Variants in RFC3 observed in about 807,000 individuals in gnomAD.
RFC3 encodes A1 38 kDa subunit.
Under a neutral mutation model 45.1 loss-of-function variants are expected in RFC3, and 41 were observed. The ratio of observed to expected loss-of-function variants is 0.91; its 90% CI spans 0.71 to 1.18. The LOEUF (loss-of-function observed/expected upper bound fraction) is 1.18. Ranked by LOEUF, RFC3 falls within the 50% of genes most tolerant of loss-of-function variation. The probability of loss-of-function intolerance (pLI) is 0.00; values close to 1 mark genes in which losing one functional copy is unlikely to be tolerated. For synonymous variants in RFC3, 149 were observed against 144.0 expected (o/e 1.03, Z -0.25); for missense variants, 423 against 428.1 (o/e 0.99, Z 0.10).
intron 8 of RFC3, among the ~76,000 whole-genome samples, chr13:33,955,839 C>T (rs1267254868): frequency 1.3e-5 from 2 of 152,120 alleles, no homozygotes; most frequent in South Asian, 2.1e-4. Flanking sequence ...CTTCAGGAGG[C>T]GCATGTGCAG....
chr13:33,908,476 C>G (rs1335447964), intron 8 of RFC3, among the ~76,000 whole-genome samples: 1 of 151,972 alleles, frequency 6.6e-6, no homozygotes, highest in African/African-American at 2.4e-5. Flanking sequence ...AGATCATCAG[C>G]TCCACAAAAT....
At chr13:33,977,256 A>G in the RFC3 span, among the ~76,000 whole-genome samples, 1 of 152,096 alleles carries the variant, frequency 6.6e-6, no homozygotes, top group Non-Finnish European at 1.5e-5. Flanking sequence ...ACTGCGGTCT[A>G]TCTATCATAG....
chr13:33,892,543 T>C (rs2082570262), intron 8 of RFC3, among the ~76,000 whole-genome samples: 1 of 152,208 alleles, frequency 6.6e-6, no homozygotes, highest in African/African-American at 2.4e-5. Context: ...GTCTTTCCAC[T>C]TAAGATTTGT....
chr13:33,853,319 C>T (rs1177860310), intron 8 of RFC3, among the ~76,000 whole-genome samples: 1 of 152,124 alleles, frequency 6.6e-6, no homozygotes, highest in East Asian at 1.9e-4. Context: ...CATAGATGTG[C>T]ATTAGACTTT....
At chr13:33,852,043 AAACT>A (rs1427966581) in intron 8 of RFC3, among the ~76,000 whole-genome samples, 9 of 152,208 alleles carry the variant, frequency 5.9e-5, no homozygotes, top group Admixed American at 1.3e-4. Flanking sequence ...ATGGTATTGA[AAACT>A]AACTATGAGA....
At chr13:33,886,172 G>A (rs1390957764) in intron 8 of RFC3, among the ~76,000 whole-genome samples, 1 of 152,178 alleles carries the variant, frequency 6.6e-6, no homozygotes, top group Non-Finnish European at 1.5e-5. Context: ...GTTGAGGACA[G>A]AAGTGAAATG....
Position 33,923,235 on chromosome 13 carries a change from G to A in RFC3, c.880-42852G>A, listed in dbSNP as rs534751543. ...TTTTAGCTATGAGGAGAGGAGATGA[G>A]AGAGACCAAAGAGACAGCCGATCTT... On this transcript the variant is annotated intron_variant, in intron 8 of 8. Coordinates refer to the RFC3 transcript ENST00000434425. Among the ~76,000 whole-genome samples the A allele has an allele frequency of 2.0e-5, 3 of 152,128 alleles. No homozygotes were observed. The South Asian group carries it at 6.2e-4, about 32-fold the overall frequency.
chr13:33,824,534 T>G (rs1218276545), intron 3 of RFC3, among the ~76,000 whole-genome samples: 2 of 152,126 alleles, frequency 1.3e-5, no homozygotes, highest in East Asian at 3.8e-4. Flanking sequence ...TAGAAATGAT[T>G]CTGGGAGCTA....
intron 8 of RFC3, among the ~76,000 whole-genome samples, chr13:33,943,660 C>A (rs1237390233): frequency 6.6e-6 from 1 of 152,098 alleles, no homozygotes; most frequent in Non-Finnish European, 1.5e-5. Flanking sequence ...GGCTGAAATT[C>A]CATCTTAGGC....
At chr13:33,955,157 G>A (rs9598380) in intron 8 of RFC3, among the ~76,000 whole-genome samples, 2,321 of 152,190 alleles carry the variant, frequency 0.015, 66 homozygotes, top group African/African-American at 0.054. Flanking sequence ...TACCAAGACG[G>A]AAAAATTATA....
At chr13:33,918,370 C>T (rs765429404) in intron 8 of RFC3, among the ~76,000 whole-genome samples, 5 of 152,156 alleles carry the variant, frequency 3.3e-5, no homozygotes, top group Non-Finnish European at 5.9e-5. Flanking sequence ...CAAACCCTTT[C>T]ATGGCCCCTG....
At chr13:33,965,041 A>G (rs1353540852) in intron 8 of RFC3, among the ~76,000 whole-genome samples, 5 of 152,278 alleles carry the variant, frequency 3.3e-5, no homozygotes, top group Admixed American at 2.6e-4. Context: ...TCTGGGGGAA[A>G]GTCTGGCCCT....
At chr13:33,959,458 G>T (rs2083042495) in intron 8 of RFC3, among the ~76,000 whole-genome samples, 1 of 152,068 alleles carries the variant, frequency 6.6e-6, no homozygotes, top group Non-Finnish European at 1.5e-5. Context: ...GCTTCCTCTT[G>T]ATTCCCTTGC....
chr13:33,962,408 C>G (rs1188967425), intron 8 of RFC3, among the ~76,000 whole-genome samples: 1 of 152,158 alleles, frequency 6.6e-6, no homozygotes, highest in Non-Finnish European at 1.5e-5. Flanking sequence ...CAACCTAACC[C>G]CCAGCCCCAC....
chr13:33,908,517 G>A (rs2082685159), intron 8 of RFC3, among the ~76,000 whole-genome samples: 1 of 151,402 alleles, frequency 6.6e-6, no homozygotes. Flanking sequence ...TTGCAGAGAA[G>A]GAGGGCAATT....
chr13:33,938,919 C>A (rs2082906154), intron 8 of RFC3, among the ~76,000 whole-genome samples: 1 of 152,080 alleles, frequency 6.6e-6, no homozygotes, highest in Non-Finnish European at 1.5e-5. Flanking sequence ...TTTTTGCCAA[C>A]AATTGGGATT....
At chr13:33,848,656 T>C (rs1417441559) in intron 8 of RFC3, 1 of 152,100 alleles carries the variant, frequency 6.6e-6, no homozygotes, top group African/African-American at 2.4e-5. Flanking sequence ...AGATGGATGT[T>C]GCTTTCATCT....
At chr13:33,955,278 C>T (rs1015807932) in intron 8 of RFC3, among the ~76,000 whole-genome samples, 2 of 152,058 alleles carry the variant, frequency 1.3e-5, no homozygotes, top group African/African-American at 4.8e-5. Context: ...GAAGCAGTTG[C>T]AAGAGATAAA....
intron 8 of RFC3, among the ~76,000 whole-genome samples, chr13:33,881,425 A>C (rs764050632): frequency 1.2e-4 from 18 of 152,276 alleles, no homozygotes; most frequent in Middle Eastern, 6.8e-3. Context: ...TACCCCCAGG[A>C]TGCTTACACT....
Sources: allele counts gnomAD v4.1 joint callset (sites outside exome capture counted in the v4.1 genomes callset), GRCh38; gene constraint gnomAD v4.1.1; transcripts MANE v1.5; gene names NCBI Gene and HGNC (gene_info 2026-07-23, HGNC 2026-07-21).